Variants in CFAP46 observed in about 807,000 individuals in gnomAD.
CFAP46 encodes the protein cilia- and flagella-associated protein 46.
In CFAP46, 245 loss-of-function variants were observed where a neutral mutation model predicts 325.7. The observed-to-expected ratio is 0.75, with a 90% CI of 0.68 to 0.84. The LOEUF (loss-of-function observed/expected upper bound fraction) is 0.84. Ranked by LOEUF, CFAP46 falls within the 40% of genes least tolerant of loss-of-function variation. CFAP46 has a pLI of 0.00. For synonymous variants in CFAP46, 1,523 were observed against 1,495.9 expected, an observed-to-expected ratio of 1.02 and a Z score of -0.42; for missense variants, 3,346 against 3,543.0, an observed-to-expected ratio of 0.94 and a Z score of 1.41.
rs1167387907 is a variant in CFAP46, at chr10:132,860,422, T to G, written c.5193A>C (p.Glu1731Asp). ...TGTTTCTTACAAAGAGTTACCTGGC[T>G]TCTAGATCTGTGATCATGAATTCCA... Reference protein sequence around the residue: ...PLLEFMITDLEARCLSLRVRV... With the variant: ...PLLEFMITDLDARCLSLRVRV... The change falls in exon 37 of 58, where the codon GAA becomes GAC. Residue 1731 changes from glutamate (E) to aspartate (D), a missense_variant. Glu to Asp is a conservative substitution (Grantham distance 45). Coordinates refer to ENST00000368586, the MANE Select transcript of CFAP46 (RefSeq NM_001200049.3). 1 of 1,549,138 alleles carries G rather than the reference T, an allele frequency of 6.5e-7. No homozygotes were observed. The highest frequency in any genetic ancestry group is 8.7e-7 in the Non-Finnish European group (1 of 1,145,304).
At chr10:132,926,689 A>G in intron 9 of CFAP46, 23 bp from the exon 10 acceptor site, 1 of 1,497,520 alleles carries the variant, frequency 6.7e-7, no homozygotes, top group East Asian at 2.5e-5. Flanking sequence ...ACAGTTTTTG[A>G]AAAGATGGAG....
intron 45 of CFAP46, 96 bp from the exon 46 acceptor site, chr10:132,836,314 C>A: frequency 1.7e-6 from 2 of 1,163,360 alleles, no homozygotes; most frequent in Non-Finnish European, 2.5e-6. Flanking sequence ...CCAGTGAGGC[C>A]AACTCTGCAG....
At chr10:132,829,436 C>T (rs1237483071) in intron 50 of CFAP46, among the ~76,000 whole-genome samples, 1 of 152,222 alleles carries the variant, frequency 6.6e-6, no homozygotes, top group African/African-American at 2.4e-5. Flanking sequence ...ACTCACTAGT[C>T]AGAGTAGCTT....
chr10:132,912,408 C>G (rs1353491226), intron 19 of CFAP46, among the ~76,000 whole-genome samples: 2 of 129,792 alleles, frequency 1.5e-5, no homozygotes, highest in Non-Finnish European at 3.3e-5. Flanking sequence ...TCTCCTCTCT[C>G]TGCTCATCTC....
intron 57 of CFAP46, 57 bp downstream of exon 57, chr10:132,810,352 G>A: frequency 1.4e-6 from 2 of 1,461,828 alleles, no homozygotes; most frequent in East Asian, 2.3e-5. Context: ...CGTGCCCCAT[G>A]GGCAGTGGCT....
In CFAP46 at chr10:132,919,533, GGCCACTGTGGCTCT is replaced by G; in HGVS notation, c.1731-105_1731-92del. On this transcript the variant is annotated intron_variant, in intron 14 of 57. Coordinates refer to ENST00000368586, the MANE Select transcript of CFAP46 (RefSeq NM_001200049.3). The surrounding 1 kb of genome is among the most constrained non-coding windows in gnomAD (Gnocchi z 9.7). ...CACCTGGGCTGGCTGCCTGAGAAAA[GGCCACTGTGGCTCT>G]GCAGTTTCAAGGTGGCAAGGAGCCC... 1 of 1,450,028 alleles carries G rather than the reference GGCCACTGTGGCTCT, an allele frequency of 6.9e-7. No individual in the cohort carries two copies. The highest frequency in any genetic ancestry group is 9.2e-7 in the Non-Finnish European group (1 of 1,092,714). The allele number at this position is 1,450,028 out of a possible 1,614,324, so 89.8% of individuals were successfully genotyped here.
chr10:132,814,758 G>T lies in CFAP46; in HGVS notation c.7189-12C>A, dbSNP rs1421286340. ...CGGGGGATGCTGCCCTGCAACCACAGACCAGGGTCAGCAGGTGCAGGGGCC... is the reference window on the plus strand; with the variant it reads ...CGGGGGATGCTGCCCTGCAACCACATACCAGGGTCAGCAGGTGCAGGGGCC... On this transcript the variant is annotated splice_polypyrimidine_tract_variant and intron_variant, in intron 51 of 57. Coordinates refer to ENST00000368586, the MANE Select transcript of CFAP46 (RefSeq NM_001200049.3). The T allele has an allele frequency of 3.1e-6, 5 of 1,613,772 alleles. No individual in the cohort carries two copies. The highest frequency in any genetic ancestry group is 8.5e-7 in the Non-Finnish European group (1 of 1,179,794).
intron 50 of CFAP46, among the ~76,000 whole-genome samples, chr10:132,823,820 A>ACTGATGT (rs1847956699): frequency 2.0e-5 from 2 of 98,750 alleles, no homozygotes; most frequent in Non-Finnish European, 4.0e-5. Flanking sequence ...GTGCTGTGTG[A>ACTGATGT]GTGCTGATGT....
At chr10:132,893,077 C>G (rs911927669) in intron 24 of CFAP46, among the ~76,000 whole-genome samples, 3 of 152,210 alleles carry the variant, frequency 2.0e-5, no homozygotes, top group Non-Finnish European at 2.9e-5. Context: ...GTTGGGTGAG[C>G]GGGCTCAAGC....
At chr10:132,892,956 G>A (rs1336576470) in intron 24 of CFAP46, among the ~76,000 whole-genome samples, 1 of 152,180 alleles carries the variant, frequency 6.6e-6, no homozygotes, top group Non-Finnish European at 1.5e-5. Flanking sequence ...GCTGTTAACT[G>A]TCTCTCTAAA....
chr10:132,820,491 C>CTG (rs200789184), intron 50 of CFAP46, among the ~76,000 whole-genome samples: 4 of 148,964 alleles, frequency 2.7e-5, no homozygotes, highest in Non-Finnish European at 5.9e-5. Context: ...CTGATGTGTG[C>CTG]TGAGTGCTGA....
Position 132,817,441 on chromosome 10 carries a change from A to G in CFAP46, c.7118-2527T>C, listed in dbSNP as rs1307528121. Among the ~76,000 whole-genome samples, 1 of 152,116 alleles carries G rather than the reference A, an allele frequency of 6.6e-6. No individual in the cohort carries two copies. The highest frequency in any genetic ancestry group is 1.5e-5 in the Non-Finnish European group (1 of 68,024). ...GGTTGGCCAATTTTCTTTTTTTGATATATGACATAAATGGGCCAACTTCTA... is the reference window on the plus strand; with the variant it reads ...GGTTGGCCAATTTTCTTTTTTTGATGTATGACATAAATGGGCCAACTTCTA... On this transcript the variant is annotated intron_variant, in intron 50 of 57. Coordinates refer to ENST00000368586, the MANE Select transcript of CFAP46 (RefSeq NM_001200049.3). This position sits in a 1 kb window ranked among gnomAD's most constrained non-coding sequence, Gnocchi z 4.4.
At chr10:132,849,253 A>G (rs1217005768) in intron 41 of CFAP46, among the ~76,000 whole-genome samples, 1 of 152,246 alleles carries the variant, frequency 6.6e-6, no homozygotes, top group African/African-American at 2.4e-5. Context: ...GAGCAGGCCA[A>G]TGGAGGCTGG....
rs1011021515 is a variant in CFAP46, at chr10:132,828,348, C to T, written c.7117+5010G>A. Reference sequence around the variant, plus strand: ...AGTATGAGGGTTCCGGTTCCACACCCTCCCAACACGCGCTCTGGTCGACTG... The same window carrying T: ...AGTATGAGGGTTCCGGTTCCACACCTTCCCAACACGCGCTCTGGTCGACTG... On this transcript the variant is annotated intron_variant, in intron 50 of 57. Transcript: ENST00000368586. This position sits in a 1 kb window ranked among gnomAD's most constrained non-coding sequence, Gnocchi z 4.9. 6.6e-6 allele frequency among the ~76,000 whole-genome samples: 1 copy of T among 152,224 alleles called. No homozygotes were observed. Among genetic ancestry groups the T allele is most frequent in the Non-Finnish European group, 1.5e-5 (1 of 68,042 alleles).
intron 25 of CFAP46, among the ~76,000 whole-genome samples, chr10:132,887,739 T>C (rs1433603635): frequency 4.8e-5 from 3 of 63,080 alleles, no homozygotes; most frequent in Non-Finnish European, 5.9e-5. Flanking sequence ...TCTCCCCTCT[T>C]CTCTCTCTCC....
chr10:132,851,693 C>T (rs2135147693), intron 39 of CFAP46, among the ~76,000 whole-genome samples: 1 of 152,312 alleles, frequency 6.6e-6, no homozygotes. Context: ...ACGCATGCTC[C>T]TTCCCTCTCA....
chr10:132,899,884 G>T, intron 22 of CFAP46, among the ~76,000 whole-genome samples: 1 of 152,230 alleles, frequency 6.6e-6, no homozygotes, highest in East Asian at 1.9e-4. Context: ...AGGGGCTCCT[G>T]GTCTTCTGAG....
chr10:132,899,071 T>A lies in CFAP46; in HGVS notation c.3107A>T (p.His1036Leu), dbSNP rs1356587680. Residue 1036 changes from histidine (H) to leucine (L), a missense_variant, in exon 24 of 58, where the codon CAT becomes CTT. Physicochemically the swap from His to Leu is moderately conservative, Grantham distance 99. Coordinates refer to ENST00000368586, the MANE Select transcript of CFAP46 (RefSeq NM_001200049.3). ...CAGTGGGAGCCAGGCGTTCCAGTAA[T>A]GCCGCGCGGCCAGCATCACCAGGGC... is the stretch of plus-strand genomic sequence containing the variant. ...SSALVMLAAR[H>L]YWNAWLPLLS... 9 of 1,550,514 alleles carry A rather than the reference T, an allele frequency of 5.8e-6. No individual in the cohort carries two copies. In the East Asian group the frequency reaches 2.2e-4, roughly 38 times the overall value.
intron 50 of CFAP46, among the ~76,000 whole-genome samples, chr10:132,818,465 A>G (rs935427991): frequency 6.6e-6 from 1 of 152,182 alleles, no homozygotes; most frequent in African/African-American, 2.4e-5. Context: ...GAAAAGCACA[A>G]AGCTTTCACC....
Sources: allele counts gnomAD v4.1 joint callset (sites outside exome capture counted in the v4.1 genomes callset), GRCh38; gene constraint gnomAD v4.1.1; non-coding constraint Gnocchi (gnomAD v3.1); transcripts MANE v1.5; gene names NCBI Gene and HGNC (gene_info 2026-07-23, HGNC 2026-07-21).